The following ANKS1B variants were observed in gnomAD, a reference collection of about 807,000 sequenced individuals.
The protein encoded by ANKS1B is ankyrin repeat and sterile alpha motif domain-containing protein 1B.
ANKS1B carries 36 observed loss-of-function variants against 148.3 expected under a neutral mutation model. The ratio of observed to expected loss-of-function variants is 0.24; its 90% CI spans 0.19 to 0.32. The LOEUF is 0.32. Ranked by LOEUF, ANKS1B falls within the 10% of genes least tolerant of loss-of-function variation. The pLI is 1.00. For synonymous variants in ANKS1B, 542 were observed against 560.8 expected (o/e 0.97, Z 0.47); for missense variants, 1,157 against 1,542.6 (o/e 0.75, Z 4.19).
rs112748290 is a variant in ANKS1B, at chr12:99,959,430, C to T, written c.134+24674G>A. 2.2e-3 allele frequency among the ~76,000 whole-genome samples: 333 copies of T among 151,864 alleles called. 1 individual carries two copies. The highest frequency in any genetic ancestry group is 7.7e-3 in the African/African-American group (320 of 41,396). On this transcript the variant is annotated intron_variant, in intron 1 of 26. Coordinates refer to ENST00000683438, the MANE Select transcript of ANKS1B (RefSeq NM_001352186.2). ...TTCATTTAGACTTCTCTCCCAACTT[C>T]AAGTGAAAAGATTACAAATTAAAAA...
chr12:99,179,289 C>A (rs1204777714), intron 14 of ANKS1B, among the ~76,000 whole-genome samples: 1 of 151,570 alleles, frequency 6.6e-6, no homozygotes, highest in African/African-American at 2.4e-5. Context: ...ATTAGCCGGG[C>A]GTGGTGGCGG....
chr12:98,900,017 A>C (rs2099769953), intron 17 of ANKS1B, among the ~76,000 whole-genome samples: 1 of 152,226 alleles, frequency 6.6e-6, no homozygotes, highest in Non-Finnish European at 1.5e-5. Flanking sequence ...TGGGTTGATT[A>C]TTCCATCTGG....
chr12:99,374,830 T>C (rs1201885827), intron 12 of ANKS1B, among the ~76,000 whole-genome samples: 1 of 152,250 alleles, frequency 6.6e-6, no homozygotes, highest in Non-Finnish European at 1.5e-5. Context: ...ATTTGTTTAC[T>C]TATTTATTTT....
chr12:98,842,253 GGGCTACATGATACA>G (rs1223893999), intron 17 of ANKS1B, among the ~76,000 whole-genome samples: 1 of 152,094 alleles, frequency 6.6e-6, no homozygotes, highest in African/African-American at 2.4e-5. Flanking sequence ...ACAAAGGAAT[GGGCTACATGATACA>G]GGCTATAGCA....
chr12:98,857,057 T>A (rs2099575561), intron 17 of ANKS1B, among the ~76,000 whole-genome samples: 1 of 135,096 alleles, frequency 7.4e-6, no homozygotes, highest in Non-Finnish European at 1.7e-5. Flanking sequence ...ATTCCTGACA[T>A]AACCCCTGCA....
At chr12:99,025,564 G>C (rs1262734269) in intron 17 of ANKS1B, among the ~76,000 whole-genome samples, 1 of 152,166 alleles carries the variant, frequency 6.6e-6, no homozygotes, top group East Asian at 1.9e-4. Context: ...GGTCACTGTA[G>C]ATAAGCTGGA....
At position 98,988,686 on chromosome 12, in the gene ANKS1B, T is replaced by C. The variant is rs537122863; in HGVS notation, c.2778+64471A>G. ...TTTTTTGAGAAACCTCCATACTGTT[T>C]TCCATGGCTGTATTAATTTACATTC... On this transcript the variant is annotated intron_variant, in intron 17 of 26. Coordinates refer to ENST00000683438, the MANE Select transcript of ANKS1B (RefSeq NM_001352186.2). 5.3e-5 allele frequency among the ~76,000 whole-genome samples: 8 copies of C among 152,282 alleles called. No individual in the cohort carries two copies. In the South Asian group the frequency reaches 1.0e-3, roughly 20 times the overall value.
intron 4 of ANKS1B, among the ~76,000 whole-genome samples, chr12:99,804,510 C>A (rs2067346135): frequency 6.6e-6 from 1 of 152,048 alleles, no homozygotes; most frequent in South Asian, 2.1e-4. Context: ...GTTCAGGGTG[C>A]TAGCCTTAAA....
chr12:99,160,983 C>T (rs71462264), intron 14 of ANKS1B, among the ~76,000 whole-genome samples: 1 of 152,092 alleles, frequency 6.6e-6, no homozygotes, highest in Non-Finnish European at 1.5e-5. Context: ...ATGCCTCTGG[C>T]TTTGTTCTTT....
At chr12:99,965,059 C>T (rs1050910592) in intron 1 of ANKS1B, among the ~76,000 whole-genome samples, 4 of 152,182 alleles carry the variant, frequency 2.6e-5, no homozygotes, top group Middle Eastern at 3.2e-3. Flanking sequence ...AATATATTCA[C>T]TCCCTGGCTG....
chr12:99,693,996 G>T (rs2053522637), intron 8 of ANKS1B, among the ~76,000 whole-genome samples: 2 of 150,996 alleles, frequency 1.3e-5, no homozygotes, highest in Non-Finnish European at 1.5e-5. Context: ...GGCCAGGCTG[G>T]TCTCGAACTT....
chr12:99,610,395 T>TA (rs1199883293), intron 9 of ANKS1B, among the ~76,000 whole-genome samples: 4 of 152,104 alleles, frequency 2.6e-5, no homozygotes, highest in Non-Finnish European at 5.9e-5. Context: ...AATGAGGGTC[T>TA]TGTGACCTAC....
chr12:99,486,086 A>G (rs910169453), intron 10 of ANKS1B, among the ~76,000 whole-genome samples: 1 of 152,166 alleles, frequency 6.6e-6, no homozygotes, highest in Non-Finnish European at 1.5e-5. Context: ...TCTTTCAGAG[A>G]TGTTATAGAA....
intron 8 of ANKS1B, among the ~76,000 whole-genome samples, chr12:99,752,858 A>G (rs1007721985): frequency 6.6e-6 from 1 of 152,004 alleles, no homozygotes; most frequent in Admixed American, 6.6e-5. Flanking sequence ...CTTAGCTTTT[A>G]TATTTCATTG....
At chr12:99,475,662 A>C (rs2096307343) in intron 10 of ANKS1B, among the ~76,000 whole-genome samples, 1 of 151,762 alleles carries the variant, frequency 6.6e-6, no homozygotes, top group Non-Finnish European at 1.5e-5. Flanking sequence ...TAAAACTCAT[A>C]TGGTAAAATA....
intron 8 of ANKS1B, among the ~76,000 whole-genome samples, chr12:99,740,464 T>TGTC (rs1343970975): frequency 2.6e-5 from 4 of 152,214 alleles, no homozygotes; most frequent in Non-Finnish European, 5.9e-5. Context: ...ACACACAGCA[T>TGTC]GTCAGGCAAA....
chr12:98,841,264 G>A (rs547521850), intron 17 of ANKS1B, among the ~76,000 whole-genome samples: 4 of 152,052 alleles, frequency 2.6e-5, no homozygotes, highest in South Asian at 2.1e-4. Context: ...ACAGAAACAC[G>A]CAACATACAT....
At chr12:98,919,069 T>A (rs1356583658) in intron 17 of ANKS1B, among the ~76,000 whole-genome samples, 1 of 152,226 alleles carries the variant, frequency 6.6e-6, no homozygotes, top group Non-Finnish European at 1.5e-5. Context: ...TTTTCCTTTG[T>A]AATTTGTTTC....
intron 8 of ANKS1B, among the ~76,000 whole-genome samples, chr12:99,707,662 C>T (rs948226890): frequency 6.6e-6 from 1 of 151,914 alleles, no homozygotes; most frequent in Non-Finnish European, 1.5e-5. Flanking sequence ...GTGCAGCTTA[C>T]AGTGCCTACA....
Sources: allele counts gnomAD v4.1 joint callset (sites outside exome capture counted in the v4.1 genomes callset), GRCh38; gene constraint gnomAD v4.1.1; transcripts MANE v1.5; gene names NCBI Gene and HGNC (gene_info 2026-07-23, HGNC 2026-07-21).